Variants in RHBDF1 observed in about 807,000 individuals in gnomAD.
RHBDF1 encodes inactive rhomboid protein 1.
In RHBDF1, 80 loss-of-function variants were observed where a neutral mutation model predicts 98.6. The ratio of observed to expected loss-of-function variants is 0.81; its 90% CI spans 0.68 to 0.98. The LOEUF is 0.98. Ranked by LOEUF, RHBDF1 falls within the 50% of genes least tolerant of loss-of-function variation. The pLI is 0.00. For missense variants in RHBDF1, 1,116 were observed against 1,198.3 expected (o/e 0.93, Z 1.01); for synonymous variants, 512 against 486.8 (o/e 1.05, Z -0.68).
At chr16:67,886 C>T (rs142283304) in intron 1 of RHBDF1, among the ~76,000 whole-genome samples, 6 of 152,214 alleles carry the variant, frequency 3.9e-5, no homozygotes, top group East Asian at 3.9e-4. Flanking sequence ...CTGGCATGAG[C>T]GGATGCAAGC....
intron 1 of RHBDF1, among the ~76,000 whole-genome samples, chr16:65,895 G>A (rs1229067307): frequency 1.3e-5 from 2 of 152,254 alleles, no homozygotes; most frequent in Non-Finnish European, 2.9e-5. Context: ...GCTCGGTGCC[G>A]GGGCTGCGGG....
In RHBDF1 at chr16:72,575, C is replaced by T; in HGVS notation, c.-87G>A. On this transcript the variant is annotated 5_prime_UTR_variant, in exon 1 of 18. Transcript: ENST00000262316. ...CGGGGAGGAGGCTGCCGCCGCTGGCCGGGAGGGCCCGCGCCGAGTCCCCGC... is the reference window on the plus strand; with the variant it reads ...CGGGGAGGAGGCTGCCGCCGCTGGCTGGGAGGGCCCGCGCCGAGTCCCCGC... 1.2e-6 allele frequency: 1 copy of T among 830,820 alleles called. No individual in the cohort carries two copies. The highest frequency in any genetic ancestry group is 6.1e-5 in the South Asian group (1 of 16,434). 51.5% of individuals were successfully genotyped at this position (830,820 alleles called of 1,614,324 possible).
At chr16:61,517 G>C in intron 9 of RHBDF1, 58 bp from the exon 10 acceptor site, 6 of 1,610,900 alleles carry the variant, frequency 3.7e-6, no homozygotes, top group South Asian at 1.1e-5. Flanking sequence ...TCCTCCCAGA[G>C]CGGGTCGGGA....
In RHBDF1 at chr16:59,254, G is replaced by T; in HGVS notation, c.1989C>A (p.His663Gln). Reference protein sequence around the residue: ...FYRLWLSLFLHAGILHCLVSI... With the variant: ...FYRLWLSLFLQAGILHCLVSI... ...CGGCCCACAGTGTCACTTGCCCGGC[G>T]TGCAGGAAGAGGGATAGCCACAGGC... is the stretch of plus-strand genomic sequence containing the variant. The change falls in exon 16 of 18, where the codon CAC (histidine) becomes CAA (glutamine). Residue 663 changes from histidine (H) to glutamine (Q), a missense_variant. Physicochemically the swap from His to Gln is conservative, Grantham distance 24. Coordinates refer to ENST00000262316, the MANE Select transcript of RHBDF1 (RefSeq NM_022450.5). 1 of 1,601,746 alleles carries T rather than the reference G, an allele frequency of 6.2e-7. No homozygotes were observed. Among genetic ancestry groups the T allele is most frequent in the Non-Finnish European group, 8.5e-7 (1 of 1,172,672 alleles).
At position 63,998 on chromosome 16, in the gene RHBDF1, C is replaced by A. The variant is rs1282816493; in HGVS notation, c.249-198G>T. On this transcript the variant is annotated intron_variant, in intron 3 of 17. Transcript: ENST00000262316. ...GAACTGTTAGCCAACTCCAAGTTTC[C>A]ACTAGACCGCAGCTGGCCTTGCCCG... The A allele has an allele frequency of 2.6e-5, 19 of 727,552 alleles. No homozygotes were observed. In the East Asian group the frequency reaches 4.9e-4, roughly 19 times the overall value. 45.1% of individuals were successfully genotyped at this position (727,552 alleles called of 1,614,324 possible). A position where few individuals can be genotyped will look rare whatever the true frequency, so the allele number is the denominator to read the frequency against.
At position 62,591 on chromosome 16, in the gene RHBDF1, G is replaced by A. The variant is rs769035257; in HGVS notation, c.900C>T (p.Asp300=). ...KDWEKAPEQA[D]LTGGALDRSE... ...TGCGGTCCAGGGCCCCGCCGGTGAG[G>A]TCCGCCTGCTCCGGTGCCTTCTCCC... The change falls in exon 7 of 18, where the codon GAC becomes GAT. Residue 300 remains aspartate (D), a synonymous_variant. Transcript: ENST00000262316. 3 of 1,613,708 alleles carry A rather than the reference G, an allele frequency of 1.9e-6. No homozygotes were observed. Among genetic ancestry groups the A allele is most frequent in the South Asian group, 1.1e-5 (1 of 91,088 alleles).
chr16:71,846 C>A (rs1489496238), intron 1 of RHBDF1, among the ~76,000 whole-genome samples: 1 of 152,262 alleles, frequency 6.6e-6, no homozygotes, highest in African/African-American at 2.4e-5. Context: ...GTCACCCCAG[C>A]CGGGAGAAGG....
chr16:60,071 G>A (rs1897550084), intron 13 of RHBDF1, 145 bp downstream of exon 13: 5 of 1,511,224 alleles, frequency 3.3e-6, no homozygotes, highest in Non-Finnish European at 1.8e-6. Context: ...TTGATGGACA[G>A]GCTGTACAAA....
intron 11 of RHBDF1, 119 bp downstream of exon 11, chr16:61,001 G>C (rs962754916): frequency 2.9e-5 from 34 of 1,159,454 alleles, no homozygotes; most frequent in South Asian, 1.2e-4. Context: ...GGCCTTGCGC[G>C]TAAGGACGGC....
upstream of RHBDF1, chr16:73,974 G>A (rs987073114): frequency 9.1e-6 from 9 of 984,394 alleles, no homozygotes; most frequent in Non-Finnish European, 1.1e-5. Context: ...TCCATGCCAC[G>A]GGATAGGGCG....
intron 11 of RHBDF1, 86 bp downstream of exon 11, chr16:61,034 G>T: frequency 7.1e-7 from 1 of 1,411,180 alleles, no homozygotes; most frequent in South Asian, 1.4e-5. Context: ...GAACGAGGGC[G>T]AAGGATCACT....
Position 70,661 on chromosome 16 carries a change from C to T in RHBDF1, c.-25+1852G>A, listed in dbSNP as rs140288754. Among the ~76,000 whole-genome samples, 44 of 152,356 alleles carry T rather than the reference C, an allele frequency of 2.9e-4. No homozygotes were observed. The East Asian group carries it at 8.3e-3, about 29-fold the overall frequency. On this transcript the variant is annotated intron_variant, in intron 1 of 17. Coordinates refer to ENST00000262316, the MANE Select transcript of RHBDF1 (RefSeq NM_022450.5). ...CATCTTACAGATAAGGAAACTGAGG[C>T]TCAGAGAAGCCCATCACTGCCTAAG...
intron 14 of RHBDF1, 113 bp from the exon 15 acceptor site, chr16:59,607 G>T: frequency 6.8e-7 from 1 of 1,478,162 alleles, no homozygotes; most frequent in Non-Finnish European, 9.2e-7. Context: ...AGGAAGTCCA[G>T]ACCCCCTCTA....
chr16:58,453 C>T lies in RHBDF1; in HGVS notation c.2455G>A (p.Val819Met). Reference sequence around the variant, plus strand: ...ACAGGATAGACGTAGAAGAGGACCACCAGGCCAGCCAGGAGGCCCAGGAAG... The same window carrying T: ...ACAGGATAGACGTAGAAGAGGACCATCAGGCCAGCCAGGAGGCCCAGGAAG... ...VVFLGLLAGL[V>M]VLFYVYPVRC... is the part of the protein sequence containing the mutation. Residue 819 changes from valine (V) to methionine (M), a missense_variant, in exon 18 of 18, where the codon GTG becomes ATG. Transcript: ENST00000262316. 1 of 1,614,062 alleles carries T rather than the reference C, an allele frequency of 6.2e-7. No homozygotes were observed. Among genetic ancestry groups the T allele is most frequent in the Non-Finnish European group, 8.5e-7 (1 of 1,180,034 alleles).
Position 61,959 on chromosome 16 carries a change from C to T in RHBDF1, c.1047G>A (p.Gly349=). The change falls in exon 8 of 18, where the codon GGG becomes GGA. Residue 349 remains glycine (G), a synonymous_variant. Coordinates refer to ENST00000262316, the MANE Select transcript of RHBDF1 (RefSeq NM_022450.5). ...RLRQEVVSTA[G]PRRGQRIAVP... The stretch of plus-strand genomic sequence containing the variant: ...CCGCGATACGCTGGCCCCGTCGCGG[C>T]CCCGCGGTGCTCACCACCTCCTGTC... 1.3e-6 allele frequency: 2 copies of T among 1,593,448 alleles called. No individual in the cohort carries two copies. Among genetic ancestry groups the T allele is most frequent in the South Asian group, 2.2e-5 (2 of 90,496 alleles).
intron 6 of RHBDF1, 27 bp from the exon 7 acceptor site, chr16:62,722 G>C (rs1257461207): frequency 1.2e-6 from 2 of 1,614,114 alleles, no homozygotes; most frequent in Middle Eastern, 1.6e-4. Context: ...GGTCAGGGTG[G>C]ACACAGGCAG....
At position 59,426 on chromosome 16, in the gene RHBDF1, C is replaced by A. The variant is rs770431791; in HGVS notation, c.1886G>T (p.Cys629Phe). 7 of 1,613,812 alleles carry A rather than the reference C, an allele frequency of 4.3e-6. No individual in the cohort carries two copies. Among genetic ancestry groups the A allele is most frequent in the Non-Finnish European group, 4.2e-6 (5 of 1,179,946 alleles). Reference protein sequence around the residue: ...RGYFHEEATLCSQVHCMDDVC... With the variant: ...RGYFHEEATLFSQVHCMDDVC... ...GACACTCTGCAGACCTACCTGAGAG[C>A]AGAGCGTGGCCTCCTCATGGAAGTA... The change falls in exon 15 of 18, where the codon TGC (cysteine) becomes TTC (phenylalanine). Residue 629 changes from cysteine (C) to phenylalanine (F), a missense_variant. Coordinates refer to ENST00000262316, the MANE Select transcript of RHBDF1 (RefSeq NM_022450.5).
chr16:58,180 G>A lies in RHBDF1; in HGVS notation c.*160C>T. ...TAATAAATGCCCGGCAGTACGAGGGGTTCAACAGAAGTGAACAAGGCACAA... is the reference window on the plus strand; with the variant it reads ...TAATAAATGCCCGGCAGTACGAGGGATTCAACAGAAGTGAACAAGGCACAA... On this transcript the variant is annotated 3_prime_UTR_variant, in exon 18 of 18. Coordinates refer to ENST00000262316, the MANE Select transcript of RHBDF1 (RefSeq NM_022450.5). The A allele has an allele frequency of 1.5e-6, 1 of 661,026 alleles. No individual in the cohort carries two copies. The highest frequency in any genetic ancestry group is 2.5e-6 in the Non-Finnish European group (1 of 392,550). 40.9% of individuals were successfully genotyped at this position (661,026 alleles called of 1,614,324 possible).
chr16:73,891 T>A (rs1420252327), upstream of RHBDF1: 2 of 975,392 alleles, frequency 2.1e-6, no homozygotes, highest in African/African-American at 1.8e-5. Context: ...AGGGGAGAAT[T>A]TGAACTAAAG....
Sources: gnomAD v4.1 joint callset for allele counts (sites outside exome capture counted in the v4.1 genomes callset) on GRCh38, gnomAD v4.1.1 for gene constraint, MANE v1.5 for transcripts, NCBI Gene and HGNC (gene_info 2026-07-23, HGNC 2026-07-21) for gene names.